CDH23: variants seen among roughly 807,000 people sequenced by gnomAD.
CDH23 encodes cadherin related 23.
In CDH23, 189 loss-of-function variants were observed where a neutral mutation model predicts 317.1. The ratio of observed to expected loss-of-function variants is 0.60; its 90% CI spans 0.53 to 0.67. The LOEUF (loss-of-function observed/expected upper bound fraction) is 0.67. Ranked by LOEUF, CDH23 falls within the 30% of genes least tolerant of loss-of-function variation. CDH23 has a pLI of 0.00. For missense variants in CDH23, 4,401 were observed against 4,592.4 expected (o/e 0.96, Z 1.20); for synonymous variants, 1,839 against 1,876.8 (o/e 0.98, Z 0.52).
At chr10:71,550,746 G>C (rs1856551755) in intron 6 of CDH23, among the ~76,000 whole-genome samples, 1 of 152,102 alleles carries the variant, frequency 6.6e-6, no homozygotes, top group Non-Finnish European at 1.5e-5. Flanking sequence ...GCCACTGAGT[G>C]TACACCAGGC....
chr10:71,696,110 T>G (rs1865380453), intron 22 of CDH23, among the ~76,000 whole-genome samples: 1 of 152,120 alleles, frequency 6.6e-6, no homozygotes. Flanking sequence ...GGAGACACGG[T>G]CAAAGCCAGG....
In CDH23 at chr10:71,805,828, T is replaced by C. The variant is rs753256381; in HGVS notation, c.7895T>C (p.Val2632Ala). 6.2e-7 allele frequency: 1 copy of C among 1,613,680 alleles called. No homozygotes were observed. The highest frequency in any genetic ancestry group is 8.5e-7 in the Non-Finnish European group (1 of 1,179,818). Residue 2632 changes from valine (V) to alanine (A), a missense_variant, in exon 56 of 70, where the codon GTG becomes GCG. By Grantham distance (64) the Val-to-Ala change is moderately conservative. Transcript: ENST00000224721. ...CAGGAGATCCCGCTGCGCTCCAACG[T>C]GTACGAGGTCTACGCCACGGACAAG... is the stretch of plus-strand genomic sequence containing the variant. ...IREEIPLRSN[V>A]YEVYATDKDE... is the part of the protein sequence containing the mutation.
chr10:71,803,397 G>A lies in CDH23; in HGVS notation c.7849G>A (p.Gly2617Ser), dbSNP rs369379727. ...NRPVFVRPPN[G>S]TILHIREEIP... ...CCCTGTCTTTGTGCGCCCACCCAAC[G>A]GCACCATCCTCCACATCAGAGAGGT... The change falls in exon 55 of 70, where the codon GGC becomes AGC. Residue 2617 changes from glycine (G) to serine (S), a missense_variant. Gly to Ser is a moderately conservative substitution (Grantham distance 56). Transcript: ENST00000224721. The A allele has an allele frequency of 8.1e-6, 13 of 1,596,698 alleles. No homozygotes were observed. The highest frequency in any genetic ancestry group is 2.3e-5 in the South Asian group (2 of 87,762).
At chr10:71,499,133 G>A (rs1049439258) in intron 3 of CDH23, among the ~76,000 whole-genome samples, 9 of 152,204 alleles carry the variant, frequency 5.9e-5, no homozygotes, top group African/African-American at 2.2e-4. Context: ...ATCATGTTAA[G>A]TGAAATAAGC....
chr10:71,414,742 T>C (rs1848468503), intron 1 of CDH23, among the ~76,000 whole-genome samples: 1 of 152,210 alleles, frequency 6.6e-6, no homozygotes, highest in Non-Finnish European at 1.5e-5. Context: ...TCTTTTTCTG[T>C]TTGTTTTCTG....
intron 3 of CDH23, among the ~76,000 whole-genome samples, chr10:71,468,484 A>T (rs1190617104): frequency 6.6e-6 from 1 of 152,148 alleles, no homozygotes; most frequent in African/African-American, 2.4e-5. Context: ...GCCTGTGTGG[A>T]TGCTTGGTCC....
chr10:71,780,005 G>A (rs1486738830), intron 41 of CDH23, among the ~76,000 whole-genome samples: 6 of 152,224 alleles, frequency 3.9e-5, no homozygotes, highest in African/African-American at 7.2e-5. Context: ...AGGAGCCTTC[G>A]TGGGAGATGG....
intron 11 of CDH23, among the ~76,000 whole-genome samples, chr10:71,641,545 C>T (rs1241314044): frequency 1.3e-5 from 2 of 152,214 alleles, no homozygotes; most frequent in African/African-American, 4.8e-5. Context: ...TAGGACAGTG[C>T]TCCTCAAAAG....
At chr10:71,487,091 T>G (rs566978713) in intron 3 of CDH23, among the ~76,000 whole-genome samples, 4 of 152,282 alleles carry the variant, frequency 2.6e-5, no homozygotes, top group Admixed American at 2.6e-4. Context: ...TTCCCCTGCC[T>G]GGAATGGCCT....
At chr10:71,740,691 C>T in intron 36 of CDH23, 131 bp from the exon 37 acceptor site, 5 of 1,322,184 alleles carry the variant, frequency 3.8e-6, no homozygotes, top group Non-Finnish European at 4.1e-6. Context: ...GCCAGGCCAC[C>T]CAGGGGTTCT....
intron 1 of CDH23, 57 bp from the exon 2 acceptor site, chr10:71,439,770 C>A (rs1849785883): frequency 1.5e-6 from 2 of 1,334,190 alleles, no homozygotes; most frequent in Admixed American, 2.0e-5. Context: ...GGCTGAGGAG[C>A]AGACCCTCTG....
In CDH23 at chr10:71,428,592, C is replaced by CT. The variant is rs879419317; in HGVS notation, c.-5-11225dup. Among the ~76,000 whole-genome samples, 1,439 of 147,586 alleles carry CT rather than the reference C, an allele frequency of 9.8e-3. 41 individuals carry two copies. The highest frequency in any genetic ancestry group is 0.055 in the Admixed American group (815 of 14,756). ...TTATTGGCCATTTGTATATCTTCTTCTTTTTTTTTTAATCGAGATGGAGTC... is the reference window on the plus strand; with the variant it reads ...TTATTGGCCATTTGTATATCTTCTTCTTTTTTTTTTTAATCGAGATGGAGTC... On this transcript the variant is annotated intron_variant, in intron 1 of 69. Transcript: ENST00000224721.
chr10:71,482,118 A>T (rs1012715061), intron 3 of CDH23, among the ~76,000 whole-genome samples: 1 of 152,092 alleles, frequency 6.6e-6, no homozygotes, highest in Non-Finnish European at 1.5e-5. Flanking sequence ...CATCCCCATG[A>T]CCATAGCGGG....
rs1181232555 is a variant in CDH23, at chr10:71,739,737, C to G, written c.4453C>G (p.Leu1485Val). ...SIGEVFVARP[L>V]DREELDHYIL... ...TGGCGAAGTGTTTGTGGCCAGGCCC[C>G]TGGACAGAGAAGAGCTGGATCACTA... Residue 1485 changes from leucine to valine, a missense_variant, in exon 36 of 70, where the codon CTG becomes GTG. Physicochemically the swap from Leu to Val is conservative, Grantham distance 32. Around this residue, in one of 3 missense-constraint regions of CDH23, gnomAD observed 3,068 missense variants for 3,203.3 expected, o/e 0.96. Coordinates refer to ENST00000224721, the MANE Select transcript of CDH23 (RefSeq NM_022124.6). 1 of 1,613,218 alleles carries G rather than the reference C, an allele frequency of 6.2e-7. No homozygotes were observed. The highest frequency in any genetic ancestry group is 8.5e-7 in the Non-Finnish European group (1 of 1,179,652).
Position 71,777,920 on chromosome 10 carries a change from G to C in CDH23, c.5067+19G>C. The stretch of plus-strand genomic sequence containing the variant: ...ACACATGGTCAGCAGCTGATGGCAG[G>C]ATCAAGACAAGGGGCGAAACCTATC... On this transcript the variant is annotated intron_variant, in intron 39 of 69. Coordinates refer to ENST00000224721, the MANE Select transcript of CDH23 (RefSeq NM_022124.6). 6.2e-7 allele frequency: 1 copy of C among 1,613,312 alleles called. No homozygotes were observed. Among genetic ancestry groups the C allele is most frequent in the Non-Finnish European group, 8.5e-7 (1 of 1,179,450 alleles).
chr10:71,541,539 G>C (rs530823883), intron 6 of CDH23, among the ~76,000 whole-genome samples: 1 of 152,236 alleles, frequency 6.6e-6, no homozygotes, highest in Non-Finnish European at 1.5e-5. Flanking sequence ...GAGAGTGTGC[G>C]TGCTATCATT....
chr10:71,651,774 C>T (rs1039827909), intron 14 of CDH23, among the ~76,000 whole-genome samples: 2 of 152,166 alleles, frequency 1.3e-5, no homozygotes, highest in African/African-American at 4.8e-5. Flanking sequence ...CCATCCATAC[C>T]CCCTTGCCTG....
chr10:71,499,900 C>G (rs1372913352), intron 3 of CDH23, among the ~76,000 whole-genome samples: 2 of 151,608 alleles, frequency 1.3e-5, no homozygotes, highest in Admixed American at 6.6e-5. Context: ...GCTTGTAATC[C>G]CAGCTACTCG....
At position 71,793,228 on chromosome 10, in the gene CDH23, C is replaced by CAA. The variant is rs1841309914; in HGVS notation, c.6301_6302dup (p.Asn2101LysfsTer9). On this transcript the variant is annotated frameshift_variant, in exon 48 of 70. Transcript: ENST00000224721. LOFTEE classifies it high-confidence loss of function. ...CAGCCACAGATGAGGACAGTGGCCTCAATGGGGAGCTGGTCTACCGAATAG... is the reference window on the plus strand; with the variant it reads ...CAGCCACAGATGAGGACAGTGGCCTCAAAATGGGGAGCTGGTCTACCGAATAG... 6.2e-7 allele frequency: 1 copy of CAA among 1,613,694 alleles called. No individual in the cohort carries two copies. Among genetic ancestry groups the CAA allele is most frequent in the African/African-American group, 1.3e-5 (1 of 74,906 alleles).
Sources: allele counts gnomAD v4.1 joint callset (sites outside exome capture counted in the v4.1 genomes callset), GRCh38; gene constraint gnomAD v4.1.1; regional missense constraint gnomAD v4.1.1; transcripts MANE v1.5; gene names NCBI Gene and HGNC (gene_info 2026-07-23, HGNC 2026-07-21).